The following SELP variants were observed in gnomAD, a reference collection of about 807,000 sequenced individuals.
SELP encodes P-selectin.
SELP carries 92 observed loss-of-function variants against 104.1 expected under a neutral mutation model. That is an observed-to-expected ratio of 0.88 (90% CI 0.75 to 1.05). SELP has a LOEUF of 1.05. SELP is among the 50% of genes least tolerant of loss of function. The pLI is 0.00. For missense variants in SELP, 1,022 were observed against 1,017.3 expected (o/e 1.00, Z -0.06); for synonymous variants, 397 against 364.5 (o/e 1.09, Z -1.01).
chr1:169,603,054 G>A lies in SELP; in HGVS notation c.1677C>T (p.Arg559=). 6.2e-7 allele frequency: 1 copy of A among 1,613,868 alleles called. No individual in the cohort carries two copies. The highest frequency in any genetic ancestry group is 2.2e-5 in the East Asian group (1 of 44,868). The change falls in exon 10 of 17, where the codon CGC becomes CGT. Residue 559 remains arginine (R), a synonymous_variant. Coordinates refer to ENST00000263686, the MANE Select transcript of SELP (RefSeq NM_003005.4). ...CACACATTGGTGGGGAGTCTGTCCA[G>A]CGTCCCGATCGAGTACAATCCAATC... ...PERLDCTRSG[R]WTDSPPMCEA...
intron 10 of SELP, among the ~76,000 whole-genome samples, chr1:169,602,340 G>A (rs957314921): frequency 6.6e-6 from 1 of 152,202 alleles, no homozygotes. Flanking sequence ...AATAAGGTCT[G>A]TGGCTGGGAT....
intron 3 of SELP, among the ~76,000 whole-genome samples, chr1:169,614,830 G>A (rs1255222488): frequency 1.3e-5 from 2 of 152,186 alleles, no homozygotes; most frequent in African/African-American, 4.8e-5. Context: ...AGATGTAGGA[G>A]GCAATAGCAG....
At chr1:169,609,353 A>G (rs1371736310) in intron 8 of SELP, 151 bp downstream of exon 8, 8 of 738,134 alleles carry the variant, frequency 1.1e-5, no homozygotes, top group Non-Finnish European at 1.7e-5. Context: ...GCACCGTTTC[A>G]TCTCATCCCT....
intron 9 of SELP, among the ~76,000 whole-genome samples, chr1:169,604,172 G>T (rs1390431641): frequency 1.3e-5 from 2 of 151,904 alleles, no homozygotes; most frequent in South Asian, 2.1e-4. Context: ...ATCTCATTGT[G>T]GTTTTGATTT....
chr1:169,590,435 G>A lies in SELP; in HGVS notation c.2439-233C>T, dbSNP rs3917850. 8.9e-3 allele frequency among the ~76,000 whole-genome samples: 1,360 copies of A among 152,336 alleles called. 20 individuals are homozygous for A. Among genetic ancestry groups the A allele is most frequent in the African/African-American group, 0.031 (1,283 of 41,576 alleles). On this transcript the variant is annotated intron_variant, in intron 15 of 16. Transcript: ENST00000263686. ...AGTTATTGTTCATGCTTTATGTACT[G>A]AATACCTGTTATACCCTCTAAGTTG...
intron 1 of SELP, among the ~76,000 whole-genome samples, chr1:169,625,874 C>A (rs1209104089): frequency 6.6e-6 from 1 of 152,098 alleles, no homozygotes; most frequent in Non-Finnish European, 1.5e-5. Flanking sequence ...GAAACAAATA[C>A]TAATAACTAC....
In SELP at chr1:169,612,919, G is replaced by C. The variant is rs764367059; in HGVS notation, c.775+10C>G. On this transcript the variant is annotated intron_variant, in intron 5 of 16. Coordinates refer to ENST00000263686, the MANE Select transcript of SELP (RefSeq NM_003005.4). ...TGTCAGTGAGGATGAAAAGAATAAG[G>C]TCTACATACCTAAACACTGTGGAGG... The C allele has an allele frequency of 3.2e-6, 5 of 1,583,922 alleles. No homozygotes were observed. Among genetic ancestry groups the C allele is most frequent in the Non-Finnish European group, 4.3e-6 (5 of 1,161,758 alleles).
rs779149033 is a variant in SELP at position 169,594,888 on chromosome 1, G to A, written c.2102-11C>T. On this transcript the variant is annotated splice_polypyrimidine_tract_variant and intron_variant, in intron 12 of 16. Transcript: ENST00000263686. ...CTGAGCATTTCACAGCTGCAGAAAA[G>A]AAATAATGCAAGAGAAACAACATGT... The A allele has an allele frequency of 1.2e-6, 2 of 1,605,886 alleles. No individual in the cohort carries two copies. The highest frequency in any genetic ancestry group is 1.7e-6 in the Non-Finnish European group (2 of 1,174,452).
At chr1:169,592,268 A>G (rs1661388767) in intron 14 of SELP, among the ~76,000 whole-genome samples, 1 of 152,198 alleles carries the variant, frequency 6.6e-6, no homozygotes, top group Non-Finnish European at 1.5e-5. Context: ...ACAGGAGAGT[A>G]TATGAAGGAA....
At chr1:169,621,684 A>C (rs1385510709) in intron 1 of SELP, among the ~76,000 whole-genome samples, 1 of 152,166 alleles carries the variant, frequency 6.6e-6, no homozygotes, top group African/African-American at 2.4e-5. Context: ...TTCATCTGGG[A>C]GCTTCTGAAT....
In SELP at chr1:169,589,472, T is replaced by C. The variant is rs1197267075; in HGVS notation, c.*2-11A>G. 1 of 152,176 alleles carries C rather than the reference T, an allele frequency of 6.6e-6. No individual in the cohort carries two copies. Among genetic ancestry groups the C allele is most frequent in the African/African-American group, 2.4e-5 (1 of 41,392 alleles). The allele number at this position is 152,176 out of a possible 1,614,324, so 9.4% of individuals were successfully genotyped here. A position where few individuals can be genotyped will look rare whatever the true frequency, so the allele number is the denominator to read the frequency against. On this transcript the variant is annotated splice_polypyrimidine_tract_variant and intron_variant, in intron 16 of 16. Transcript: ENST00000263686. ...GGTGTTTATGGAAACCTGCAGCAAA[T>C]GCATTATAGTTAAGTCCAGTGTAGC...
intron 1 of SELP, among the ~76,000 whole-genome samples, chr1:169,626,984 C>CT (rs3216191): frequency 6.7e-3 from 986 of 146,818 alleles, no homozygotes; most frequent in South Asian, 8.0e-3. Context: ...TAGTGCGATA[C>CT]TTTTTTTTTT....
chr1:169,596,040 A>G lies in SELP; in HGVS notation c.1986T>C (p.Phe662=). The G allele has an allele frequency of 6.2e-7, 1 of 1,613,956 alleles. No homozygotes were observed. The highest frequency in any genetic ancestry group is 8.5e-7 in the Non-Finnish European group (1 of 1,179,852). The change falls in exon 12 of 17, where the codon TTT becomes TTC. Residue 662 remains phenylalanine, a synonymous_variant. Coordinates refer to ENST00000263686, the MANE Select transcript of SELP (RefSeq NM_003005.4). ...CAAAGTAACAAGTGGTATTAAAACC[A>G]AAGGTTCCCGGATGATGCCTACAGT... The part of the protein sequence containing the change: ...TMYCRHHPGT[F]GFNTTCYFGC...
intron 7 of SELP, 71 bp from the exon 8 acceptor site, chr1:169,609,760 G>C: frequency 7.1e-7 from 1 of 1,401,576 alleles, no homozygotes; most frequent in Non-Finnish European, 9.7e-7. Context: ...AAAATTCCTA[G>C]ATGCTATATC....
intron 10 of SELP, among the ~76,000 whole-genome samples, chr1:169,598,060 C>G (rs3917796): frequency 3.7e-4 from 56 of 152,322 alleles, no homozygotes; most frequent in African/African-American, 1.3e-3. Context: ...TTCCATAACT[C>G]CCATCCCAGG....
rs140187690 is a variant in SELP, at chr1:169,629,726, G to T, written c.3+346C>A. Among the ~76,000 whole-genome samples, 147 of 152,306 alleles carry T rather than the reference G, an allele frequency of 9.7e-4. 2 individuals carry two copies. The highest frequency in any genetic ancestry group is 3.4e-3 in the African/African-American group (141 of 41,570). ...GTTTACCATGATCTATTCTCAGAGA[G>T]CCCCTATAAATTCTAGTAGGAGGAA... On this transcript the variant is annotated intron_variant, in intron 1 of 16. Coordinates refer to ENST00000263686, the MANE Select transcript of SELP (RefSeq NM_003005.4).
intron 14 of SELP, 78 bp downstream of exon 14, chr1:169,593,526 TC>T: frequency 1.5e-6 from 2 of 1,333,270 alleles, no homozygotes; most frequent in Non-Finnish European, 1.0e-6. Context: ...GGTTTTTGCC[TC>T]CCCACCCTAA....
At chr1:169,607,221 A>AATCCCTGTTCTTGAC in intron 8 of SELP, 87 bp from the exon 9 acceptor site, 1 of 1,121,220 alleles carries the variant, frequency 8.9e-7, no homozygotes, top group Non-Finnish European at 1.2e-6. Context: ...TAGTGTCAAG[A>AATCCCTGTTCTTGAC]ACAGGGATTC....
intron 10 of SELP, among the ~76,000 whole-genome samples, chr1:169,602,066 A>G (rs750032715): frequency 2.0e-5 from 3 of 152,188 alleles, no homozygotes; most frequent in Non-Finnish European, 2.9e-5. Context: ...AATTAAAGAC[A>G]GATAAGATCT....
Sources: allele counts gnomAD v4.1 joint callset (sites outside exome capture counted in the v4.1 genomes callset), GRCh38; gene constraint gnomAD v4.1.1; transcripts MANE v1.5; gene names NCBI Gene and HGNC (gene_info 2026-07-23, HGNC 2026-07-21).